STAG2: variants seen among roughly 807,000 people sequenced by gnomAD.
The protein encoded by STAG2 is STAG2 cohesin complex component, also known as cohesin subunit SA-2.
In STAG2, 14 loss-of-function variants were observed where a neutral mutation model predicts 108.1. That is an observed-to-expected ratio of 0.13 (90% CI 0.09 to 0.20). STAG2 has a LOEUF of 0.20. Ranked by LOEUF, STAG2 falls within the 10% of genes least tolerant of loss-of-function variation. The pLI, the probability that STAG2 is intolerant of heterozygous loss-of-function variation, is 1.00. For missense variants in STAG2, 440 were observed against 940.9 expected (o/e 0.47, Z 6.96); for synonymous variants, 307 against 302.7 (o/e 1.01, Z -0.15).
chrX:123,998,632 A>G (rs1196994890), intron 1 of STAG2, among the ~76,000 whole-genome samples: 1 of 107,326 alleles, frequency 9.3e-6, no homozygotes, highest in Non-Finnish European at 1.9e-5. Context: ...CTATCTATCT[A>G]TCTAACTAAC....
Position 124,081,407 on chromosome X carries a change from G to T in STAG2, c.2803G>T (p.Gly935Cys), listed in dbSNP as rs2058959370. 1 of 1,164,979 alleles carries T rather than the reference G, an allele frequency of 8.6e-7. No individual in the cohort carries two copies. Among genetic ancestry groups the T allele is most frequent in the Admixed American group, 2.6e-5 (1 of 39,170 alleles). The change falls in exon 28 of 35, where the codon GGC (glycine) becomes TGC (cysteine). Residue 935 changes from glycine (G) to cysteine (C), a missense_variant. Physicochemically the swap from Gly to Cys is radical, Grantham distance 159. Transcript: ENST00000371145. ...TTTTAATGAAATGATACAAGAAAAT[G>T]GCTATAATTTTGATAGATCATCCTC... ...QLFNEMIQEN[G>C]YNFDRSSSTF...
intron 1 of STAG2, among the ~76,000 whole-genome samples, chrX:123,987,182 G>T (rs752175041): frequency 9.2e-6 from 1 of 108,767 alleles, no homozygotes; most frequent in African/African-American, 3.4e-5. Flanking sequence ...TAGTACAGAC[G>T]GGTTTCACCA....
intron 5 of STAG2, among the ~76,000 whole-genome samples, chrX:124,034,256 T>C (rs964266743): frequency 8.9e-6 from 1 of 111,941 alleles, no homozygotes; most frequent in African/African-American, 3.2e-5. Flanking sequence ...GGACTTGAAC[T>C]CCTGGGCTCA....
rs1012400953 is a variant in STAG2, at chrX:124,073,760, A to G, written c.2533+2437A>G. On this transcript the variant is annotated intron_variant, in intron 25 of 34. Coordinates refer to ENST00000371145, the MANE Select transcript of STAG2 (RefSeq NM_001042750.2). ...TTAAAATGAAGTGCATTCTAGTCCA[A>G]TGGAAGAGTATAAAATATAACAGAT... Among the ~76,000 whole-genome samples the G allele has an allele frequency of 1.2e-4, 13 of 111,852 alleles. No individual in the cohort carries two copies. In the South Asian group the frequency reaches 3.0e-3, roughly 26 times the overall value.
At chrX:124,061,007 T>A (rs761764638) in intron 15 of STAG2, among the ~76,000 whole-genome samples, 102 of 109,803 alleles carry the variant, frequency 9.3e-4, no homozygotes, top group African/African-American at 3.3e-3. Flanking sequence ...TATTAATGTT[T>A]TAATGATAAT....
chrX:124,030,161 A>C (rs2057286792), intron 4 of STAG2, among the ~76,000 whole-genome samples: 1 of 111,924 alleles, frequency 8.9e-6, no homozygotes, highest in African/African-American at 3.2e-5. Flanking sequence ...AATACAAATA[A>C]AATGTTGAAC....
chrX:124,024,792 G>A (rs1017504054), intron 3 of STAG2, among the ~76,000 whole-genome samples: 10 of 111,524 alleles, frequency 9.0e-5, no homozygotes, highest in African/African-American at 3.3e-4. Context: ...CTTTCACTTC[G>A]ATTCCATTTA....
intron 5 of STAG2, among the ~76,000 whole-genome samples, chrX:124,035,465 A>G (rs2057487407): frequency 9.0e-6 from 1 of 111,659 alleles, no homozygotes; most frequent in South Asian, 3.7e-4. Context: ...CCAGTTATCT[A>G]TTGATGCATA....
intron 34 of STAG2, among the ~76,000 whole-genome samples, 198 bp from the exon 35 acceptor site, chrX:124,100,376 T>A (rs183131664): frequency 1.0e-3 from 113 of 111,554 alleles, no homozygotes; most frequent in Non-Finnish European, 1.8e-3. Flanking sequence ...AGCATCTTGA[T>A]TAGTCCTGAT....
chrX:124,065,483 G>A (rs1397269905), intron 20 of STAG2, among the ~76,000 whole-genome samples: 1 of 111,477 alleles, frequency 9.0e-6, no homozygotes, highest in East Asian at 2.8e-4. Context: ...AGTGTCATAT[G>A]TCTTCATGAT....
chrX:124,100,903 A>G lies in STAG2; in HGVS notation c.*306A>G, dbSNP rs2059497589. On this transcript the variant is annotated 3_prime_UTR_variant, in exon 35 of 35. Coordinates refer to ENST00000371145, the MANE Select transcript of STAG2 (RefSeq NM_001042750.2). ...TTTTTTAAAAAAAAAAAAAAACAAA[A>G]TAACAATCTGAAGAGGCATTTGGTA... 4.7e-6 allele frequency: 1 copy of G among 210,943 alleles called. No homozygotes were observed. The highest frequency in any genetic ancestry group is 3.0e-5 in the African/African-American group (1 of 33,744). The allele number at this position is 210,943 out of a possible 1,213,427, so 17.4% of individuals were successfully genotyped here.
chrX:124,006,909 C>T (rs1443088235), intron 1 of STAG2, among the ~76,000 whole-genome samples: 1 of 111,331 alleles, frequency 9.0e-6, no homozygotes, highest in Non-Finnish European at 1.9e-5. Context: ...AGATTGCTTG[C>T]CTTCTCCTAT....
rs748906058 is a variant in STAG2, at chrX:124,066,143, A to AT, written c.2097-5dup. The AT allele has an allele frequency of 0.12, 66,397 of 555,713 alleles. 5,413 individuals carry two copies. Among genetic ancestry groups the AT allele is most frequent in the African/African-American group, 0.17 (4,195 of 25,233 alleles). 45.8% of individuals were successfully genotyped at this position (555,713 alleles called of 1,213,427 possible). On this transcript the variant is annotated intron_variant, in intron 21 of 34. Coordinates refer to ENST00000371145, the MANE Select transcript of STAG2 (RefSeq NM_001042750.2). ...AGGCTTAGCTTTTTAATAAAACTTA[A>AT]TTTTTTTTTTTTTTTTTTTTTTTTT...
intron 13 of STAG2, among the ~76,000 whole-genome samples, chrX:124,052,033 AC>A (rs1244948045): frequency 2.7e-5 from 3 of 112,192 alleles, no homozygotes; most frequent in Non-Finnish European, 5.6e-5. Context: ...ATTTTGTTAC[AC>A]TTTTAGAGTA....
intron 34 of STAG2, 126 bp from the exon 35 acceptor site, chrX:124,100,448 A>G: frequency 7.6e-6 from 4 of 527,093 alleles, no homozygotes; most frequent in Non-Finnish European, 9.5e-6. Flanking sequence ...AGAGAGGGGA[A>G]GTTTTCAAAG....
chrX:124,027,454 A>AT (rs997571639), intron 4 of STAG2, among the ~76,000 whole-genome samples: 4 of 110,781 alleles, frequency 3.6e-5, no homozygotes, highest in East Asian at 2.8e-4. Flanking sequence ...TTAGAAAACC[A>AT]TTTTTTTTCC....
At chrX:123,982,493 G>T (rs923016290) in intron 1 of STAG2, among the ~76,000 whole-genome samples, 17 of 111,480 alleles carry the variant, frequency 1.5e-4, no homozygotes, top group Non-Finnish European at 1.5e-4. Flanking sequence ...CTGGGTTCAA[G>T]CGATTCTTGT....
At chrX:123,978,200 C>T (rs1202453373) in intron 1 of STAG2, among the ~76,000 whole-genome samples, 2 of 100,161 alleles carry the variant, frequency 2.0e-5, no homozygotes, top group African/African-American at 7.4e-5. Flanking sequence ...GGTACATGTG[C>T]AGGATGTGCA....
At chrX:124,001,398 T>TA (rs2056034920) in intron 1 of STAG2, among the ~76,000 whole-genome samples, 2 of 111,193 alleles carry the variant, frequency 1.8e-5, no homozygotes, top group African/African-American at 6.5e-5. Context: ...CCAAAATATT[T>TA]AAAAAAATAC....
Sources: allele counts gnomAD v4.1 joint callset (sites outside exome capture counted in the v4.1 genomes callset), GRCh38; gene constraint gnomAD v4.1.1; transcripts MANE v1.5; gene names NCBI Gene and HGNC (gene_info 2026-07-23, HGNC 2026-07-21).